Variants in TRAK1 observed in about 807,000 individuals in gnomAD.
TRAK1 encodes the protein trafficking kinesin protein 1, also known as trafficking kinesin-binding protein 1.
Under a neutral mutation model 92.1 loss-of-function variants are expected in TRAK1, and 33 were observed. The ratio of observed to expected loss-of-function variants is 0.36; its 90% CI spans 0.27 to 0.48. TRAK1 has a LOEUF of 0.48. Among genes scored for constraint, TRAK1 ranks in the 20% least tolerant of loss-of-function variants. TRAK1 has a pLI of 0.99. For synonymous variants in TRAK1, 521 were observed against 517.3 expected, an observed-to-expected ratio of 1.01 and a Z score of -0.10; for missense variants, 1,123 against 1,257.9, an observed-to-expected ratio of 0.89 and a Z score of 1.62.
At chr3:42,067,551 C>T (rs1703729057) in intron 1 of TRAK1, among the ~76,000 whole-genome samples, 1 of 151,594 alleles carries the variant, frequency 6.6e-6, no homozygotes, top group South Asian at 2.1e-4. Flanking sequence ...AAATACATGC[C>T]TTAAAACAAA....
At chr3:42,118,009 G>A (rs1349748977) in intron 1 of TRAK1, among the ~76,000 whole-genome samples, 3 of 151,950 alleles carry the variant, frequency 2.0e-5, no homozygotes, top group East Asian at 1.9e-4. Flanking sequence ...TAGTAGAGAC[G>A]GGGTTTCACC....
intron 1 of TRAK1, among the ~76,000 whole-genome samples, chr3:42,110,020 C>T (rs528755242): frequency 1.3e-3 from 190 of 142,968 alleles, no homozygotes; most frequent in Non-Finnish European, 2.2e-3. Context: ...TTAATGGGTG[C>T]AGCACACCAA....
intron 1 of TRAK1, among the ~76,000 whole-genome samples, chr3:42,015,516 A>G (rs1372772803): frequency 1.3e-5 from 2 of 151,784 alleles, no homozygotes; most frequent in African/African-American, 4.8e-5. Context: ...TGGCTGTGTG[A>G]CCTTACTTAA....
intron 2 of TRAK1, among the ~76,000 whole-genome samples, chr3:42,139,819 T>A (rs1173968134): frequency 2.0e-5 from 3 of 152,142 alleles, no homozygotes; most frequent in Admixed American, 1.3e-4. Flanking sequence ...CAGCTCACAC[T>A]CCACCTCCCG....
intron 2 of TRAK1, among the ~76,000 whole-genome samples, chr3:42,161,386 C>CT (rs981683169): frequency 1.3e-5 from 2 of 151,692 alleles, no homozygotes; most frequent in African/African-American, 2.4e-5. Context: ...TTTCTTTTTT[C>CT]TTTTTTTTGG....
In TRAK1 at chr3:42,097,025, T is replaced by A. The variant is rs1375128910; in HGVS notation, c.91+5465T>A. 3.9e-5 allele frequency among the ~76,000 whole-genome samples: 6 copies of A among 152,240 alleles called. No individual in the cohort carries two copies. In the East Asian group the frequency reaches 1.2e-3, roughly 29 times the overall value. On this transcript the variant is annotated intron_variant, in intron 1 of 15. Transcript: ENST00000327628. ...TTTCCAAAAATGTTCTGTGCATGCG[T>A]TTGTATGGTATGTATGTCCCCTCCC...
chr3:42,130,015 T>C (rs1460266195), intron 2 of TRAK1, among the ~76,000 whole-genome samples: 1 of 151,992 alleles, frequency 6.6e-6, no homozygotes, highest in Non-Finnish European at 1.5e-5. Context: ...TCAAAATTCA[T>C]TTTTTTTCAT....
intron 1 of TRAK1, among the ~76,000 whole-genome samples, chr3:42,066,010 C>T (rs1218527445): frequency 2.0e-5 from 3 of 152,158 alleles, no homozygotes; most frequent in African/African-American, 7.2e-5. Flanking sequence ...TCTACCCTTC[C>T]AACAGAACAA....
chr3:42,148,301 T>C (rs775421016), intron 2 of TRAK1, among the ~76,000 whole-genome samples: 5 of 152,140 alleles, frequency 3.3e-5, no homozygotes, highest in Non-Finnish European at 7.4e-5. Context: ...CAGAATAGCC[T>C]TCCACAGCAA....
At chr3:42,161,759 T>C (rs923964043) in intron 2 of TRAK1, among the ~76,000 whole-genome samples, 1 of 151,954 alleles carries the variant, frequency 6.6e-6, no homozygotes, top group African/African-American at 2.4e-5. Flanking sequence ...CAGGGGAGGG[T>C]GAGGGACCCA....
chr3:42,149,206 G>A (rs1252128163), intron 2 of TRAK1: 101 of 1,108,332 alleles, frequency 9.1e-5, no homozygotes, highest in Middle Eastern at 3.9e-4. Context: ...CCCTCTAGGC[G>A]TCTGGATAGG....
intron 14 of TRAK1, chr3:42,212,205 A>G: frequency 1.0e-6 from 1 of 985,432 alleles, no homozygotes; most frequent in Non-Finnish European, 1.2e-6. Context: ...TGGGGAAGGC[A>G]TGGGGCATCC....
intron 1 of TRAK1, among the ~76,000 whole-genome samples, chr3:42,030,722 ATATATATATATATATATATG>A (rs1702106905): frequency 3.0e-5 from 1 of 33,816 alleles, no homozygotes; most frequent in African/African-American, 7.6e-5. Context: ...ATATATATAT[ATATATATATATATATATATG>A]TAACTTGTTG....
At chr3:42,207,703 G>A (rs539464234) in intron 13 of TRAK1, among the ~76,000 whole-genome samples, 1 of 152,238 alleles carries the variant, frequency 6.6e-6, no homozygotes, top group African/African-American at 2.4e-5. Flanking sequence ...TCTGGGACTC[G>A]GGAGCCCACG....
intron 14 of TRAK1, among the ~76,000 whole-genome samples, chr3:42,215,508 G>A (rs982962431): frequency 1.4e-5 from 2 of 143,188 alleles, no homozygotes; most frequent in African/African-American, 6.0e-5. Context: ...TGGGGTGTGT[G>A]TGTGTGTGTG....
Position 42,223,971 on chromosome 3 carries a change from G to A in TRAK1, c.*234G>A. On this transcript the variant is annotated 3_prime_UTR_variant, in exon 16 of 16. Coordinates refer to ENST00000327628, the MANE Select transcript of TRAK1 (RefSeq NM_001042646.3). The surrounding 1 kb of genome is among the most constrained non-coding windows in gnomAD (Gnocchi z 6.1). ...CCTGCTCTTTCTTCCGATCCCACAG[G>A]AAGTGCCCCTGCACTGTCATCACTC... 1.6e-6 allele frequency: 1 copy of A among 642,878 alleles called. No individual in the cohort carries two copies. The highest frequency in any genetic ancestry group is 2.8e-6 in the Non-Finnish European group (1 of 356,172). 39.8% of individuals were successfully genotyped at this position (642,878 alleles called of 1,614,324 possible).
chr3:42,072,091 C>CT (rs1156515844), intron 1 of TRAK1, among the ~76,000 whole-genome samples: 1 of 152,198 alleles, frequency 6.6e-6, no homozygotes, highest in Non-Finnish European at 1.5e-5. Context: ...TGCCAGCTGC[C>CT]TGTCAGGCTG....
At chr3:42,016,703 G>T (rs954320183) in intron 1 of TRAK1, among the ~76,000 whole-genome samples, 4 of 152,188 alleles carry the variant, frequency 2.6e-5, no homozygotes, top group African/African-American at 9.7e-5. Context: ...GCACCATATA[G>T]CTCATAAGAG....
At chr3:42,172,392 C>T (rs928005696) in intron 2 of TRAK1, among the ~76,000 whole-genome samples, 55 of 152,096 alleles carry the variant, frequency 3.6e-4, no homozygotes, top group Admixed American at 1.0e-3. Context: ...TTTGATTTAC[C>T]TCCCACTCAG....
Sources: gnomAD v4.1 joint callset for allele counts (sites outside exome capture counted in the v4.1 genomes callset) on GRCh38, gnomAD v4.1.1 for gene constraint, Gnocchi (gnomAD v3.1) non-coding constraint, MANE v1.5 for transcripts, NCBI Gene and HGNC (gene_info 2026-07-23, HGNC 2026-07-21) for gene names.